The following CDH13 variants were observed in gnomAD, a reference collection of about 807,000 sequenced individuals.
The protein encoded by CDH13 is cadherin-13.
Under a neutral mutation model 63.8 loss-of-function variants are expected in CDH13, and 24 were observed. That is an observed-to-expected ratio of 0.38 (90% CI 0.27 to 0.53). The LOEUF (loss-of-function observed/expected upper bound fraction) is 0.53. CDH13 is among the 20% of genes least tolerant of loss of function. CDH13 has a pLI of 0.85. For missense variants in CDH13, 1,049 were observed against 903.1 expected (o/e 1.16, Z -2.07); for synonymous variants, 503 against 355.3 (o/e 1.42, Z -4.67).
At chr16:82,696,078 T>C (rs894551885) in intron 1 of CDH13, among the ~76,000 whole-genome samples, 5 of 152,170 alleles carry the variant, frequency 3.3e-5, no homozygotes, top group African/African-American at 1.2e-4. Flanking sequence ...CTAGATGTGC[T>C]TGACCAGGGA....
chr16:82,712,507 C>A (rs1161635507), intron 1 of CDH13, among the ~76,000 whole-genome samples: 1 of 152,144 alleles, frequency 6.6e-6, no homozygotes, highest in South Asian at 2.1e-4. Context: ...TCATTTTTCT[C>A]TTACCACGCC....
At chr16:83,616,755 A>T (rs116238452) in intron 8 of CDH13, among the ~76,000 whole-genome samples, 1 of 152,290 alleles carries the variant, frequency 6.6e-6, no homozygotes, top group African/African-American at 2.4e-5. Context: ...TCCACACTGC[A>T]CCTGGAAGCC....
chr16:82,858,681 T>C (rs1300243769), intron 2 of CDH13: 1 of 613,130 alleles, frequency 1.6e-6, no homozygotes, highest in Non-Finnish European at 2.9e-6. Flanking sequence ...CTCTTTTTAG[T>C]ATTTTATCAT....
At chr16:82,810,697 G>A (rs913503254) in intron 1 of CDH13, among the ~76,000 whole-genome samples, 2 of 152,000 alleles carry the variant, frequency 1.3e-5, no homozygotes, top group Non-Finnish European at 2.9e-5. Flanking sequence ...ACATGGGATT[G>A]GGGGGTGCTC....
intron 4 of CDH13, among the ~76,000 whole-genome samples, chr16:83,151,965 G>GA (rs1360048484): frequency 4.2e-5 from 6 of 141,416 alleles, no homozygotes; most frequent in Admixed American, 2.1e-4. Flanking sequence ...AAAAGGAAAA[G>GA]AAAAAAAAGA....
At chr16:83,680,446 C>A (rs1163440931) in intron 10 of CDH13, among the ~76,000 whole-genome samples, 1 of 152,104 alleles carries the variant, frequency 6.6e-6, no homozygotes, top group African/African-American at 2.4e-5. Flanking sequence ...TAGGTGCAGT[C>A]CCAGCAAACT....
At chr16:82,870,619 A>G (rs1276974157) in intron 2 of CDH13, among the ~76,000 whole-genome samples, 2 of 152,182 alleles carry the variant, frequency 1.3e-5, no homozygotes, top group Non-Finnish European at 1.5e-5. Flanking sequence ...TATATTTTAC[A>G]TACCCAATAA....
intron 10 of CDH13, among the ~76,000 whole-genome samples, chr16:83,741,079 A>T (rs1319077960): frequency 1.3e-5 from 2 of 152,170 alleles, no homozygotes; most frequent in African/African-American, 2.4e-5. Flanking sequence ...GGAAGAGAAC[A>T]GTACCCTGGA....
chr16:83,307,588 G>A (rs1358641244), intron 5 of CDH13, among the ~76,000 whole-genome samples: 1 of 152,114 alleles, frequency 6.6e-6, no homozygotes, highest in Non-Finnish European at 1.5e-5. Flanking sequence ...TCCTCCCTTG[G>A]GGTTTCGTTA....
At chr16:83,203,445 C>T (rs537411073) in intron 4 of CDH13, among the ~76,000 whole-genome samples, 1 of 151,728 alleles carries the variant, frequency 6.6e-6, no homozygotes, top group Non-Finnish European at 1.5e-5. Flanking sequence ...CCAGCACTTT[C>T]GGAGGCCAAG....
chr16:83,592,049 G>C (rs1429542924), intron 7 of CDH13, among the ~76,000 whole-genome samples: 1 of 152,098 alleles, frequency 6.6e-6, no homozygotes, highest in Non-Finnish European at 1.5e-5. Flanking sequence ...TAATGTCTAA[G>C]TCAACTGTCC....
At chr16:82,898,035 T>C (rs2038253195) in intron 2 of CDH13, among the ~76,000 whole-genome samples, 1 of 152,196 alleles carries the variant, frequency 6.6e-6, no homozygotes, top group South Asian at 2.1e-4. Flanking sequence ...AATTGAGATG[T>C]GTTGTGAATA....
chr16:83,433,869 A>C (rs940306339), intron 6 of CDH13, among the ~76,000 whole-genome samples: 1 of 152,080 alleles, frequency 6.6e-6, no homozygotes, highest in African/African-American at 2.4e-5. Context: ...TTTTTTCCTC[A>C]GTGCAAAGCA....
rs1355290709 is a variant in CDH13 at position 83,678,294 on chromosome 16, C to T, written c.1371C>T (p.Gly457=). 2 of 1,613,874 alleles carry T rather than the reference C, an allele frequency of 1.2e-6. No homozygotes were observed. The highest frequency in any genetic ancestry group is 1.7e-5 in the Admixed American group (1 of 60,002). The change falls in exon 10 of 14, where the codon GGC becomes GGT. Residue 457 remains glycine (G), a synonymous_variant. Transcript: ENST00000567109. ...EDPLVPDVSY[G]PSSTATVHIT... ...CACTCGTACCCGACGTCTCCTACGG[C>T]CCCAGCTCCACAGCCACCGTCCACA...
At chr16:82,822,615 C>G (rs867683488) in intron 1 of CDH13, among the ~76,000 whole-genome samples, 2 of 152,134 alleles carry the variant, frequency 1.3e-5, no homozygotes, top group Admixed American at 6.5e-5. Flanking sequence ...CTGCCTTAGC[C>G]TTCTGAATAG....
chr16:83,448,504 G>T (rs544939203), intron 6 of CDH13, among the ~76,000 whole-genome samples: 2 of 152,170 alleles, frequency 1.3e-5, no homozygotes, highest in Admixed American at 1.3e-4. Flanking sequence ...TCATGTCACT[G>T]TTGTGTAAAA....
intron 6 of CDH13, among the ~76,000 whole-genome samples, chr16:83,363,900 G>A (rs1339972328): frequency 1.3e-5 from 2 of 152,128 alleles, no homozygotes; most frequent in African/African-American, 4.8e-5. Flanking sequence ...GACATCAAGT[G>A]GACTTGTGAC....
chr16:82,955,184 T>G (rs1002527006), intron 2 of CDH13, among the ~76,000 whole-genome samples: 2 of 152,214 alleles, frequency 1.3e-5, no homozygotes, highest in African/African-American at 4.8e-5. Flanking sequence ...TTTGAGGAAC[T>G]GCCAGATTCT....
chr16:83,171,906 G>A (rs2037936094), intron 4 of CDH13, among the ~76,000 whole-genome samples: 1 of 152,112 alleles, frequency 6.6e-6, no homozygotes, highest in African/African-American at 2.4e-5. Context: ...CTGTCCCTCT[G>A]CACTCTGTTA....
Sources: gnomAD v4.1 joint callset for allele counts (sites outside exome capture counted in the v4.1 genomes callset) on GRCh38, gnomAD v4.1.1 for gene constraint, MANE v1.5 for transcripts, NCBI Gene and HGNC (gene_info 2026-07-23, HGNC 2026-07-21) for gene names.